EPB41L3: variants seen among roughly 807,000 people sequenced by gnomAD.
EPB41L3 encodes band 4.1-like protein 3.
In EPB41L3, 57 loss-of-function variants were observed where a neutral mutation model predicts 127.1. That is an observed-to-expected ratio of 0.45 (90% CI 0.36 to 0.56). The LOEUF is 0.56. EPB41L3 is among the 20% of genes least tolerant of loss of function. The probability of loss-of-function intolerance (pLI) is 0.00; values close to 1 mark genes in which losing one functional copy is unlikely to be tolerated. For missense variants in EPB41L3, 1,273 were observed against 1,372.2 expected (o/e 0.93, Z 1.14); for synonymous variants, 572 against 549.5 (o/e 1.04, Z -0.57).
chr18:5,485,454 T>A (rs1481531145), intron 2 of EPB41L3, among the ~76,000 whole-genome samples: 1 of 151,988 alleles, frequency 6.6e-6, no homozygotes, highest in Non-Finnish European at 1.5e-5. Flanking sequence ...GGATGCCCAC[T>A]TTCAGTATTA....
chr18:5,444,165 GGGAAAAGACAGAAGAGTCTAT>G (rs1315384620), intron 4 of EPB41L3, among the ~76,000 whole-genome samples: 5 of 152,132 alleles, frequency 3.3e-5, no homozygotes, highest in African/African-American at 1.2e-4. Flanking sequence ...AGAAAAAGAG[GGGAAAAGACAGAAGAGTCTAT>G]GTTCAGACAA....
intron 1 of EPB41L3, among the ~76,000 whole-genome samples, chr18:5,509,497 A>C (rs1262549610): frequency 6.6e-6 from 1 of 152,196 alleles, no homozygotes; most frequent in Non-Finnish European, 1.5e-5. Context: ...ACGGTTTGGT[A>C]CTTTAGAATC....
chr18:5,442,892 AT>A (rs1400160077), intron 5 of EPB41L3, among the ~76,000 whole-genome samples: 1 of 152,126 alleles, frequency 6.6e-6, no homozygotes, highest in Non-Finnish European at 1.5e-5. Flanking sequence ...TACAGACATA[AT>A]TTTTTAAAAA....
chr18:5,491,657 T>A (rs1428420879), intron 1 of EPB41L3, among the ~76,000 whole-genome samples: 1 of 152,186 alleles, frequency 6.6e-6, no homozygotes, highest in Admixed American at 6.5e-5. Context: ...CTCAAAATCA[T>A]CTACTATGCC....
rs375430348 is a variant in EPB41L3, at chr18:5,415,872, C to A, written c.2013G>T (p.Ala671=). 2.0e-5 allele frequency: 32 copies of A among 1,613,598 alleles called. No homozygotes were observed. The highest frequency in any genetic ancestry group is 2.6e-5 in the Non-Finnish European group (31 of 1,179,904). The change falls in exon 13 of 23, where the codon GCG becomes GCT. Residue 671 remains alanine, a synonymous_variant. Coordinates refer to ENST00000341928, the MANE Select transcript of EPB41L3 (RefSeq NM_012307.5). ...ALCLCYLEPK[A]ASLSASLDND... is the part of the protein sequence containing the mutation. ...TGTCTAGGGAGGCGCTCAAGGAGGC[C>A]GCCTTGGGCTCCAGGTAGCAGAGGC...
chr18:5,484,679 T>C (rs988656530), intron 2 of EPB41L3, among the ~76,000 whole-genome samples: 9 of 151,602 alleles, frequency 5.9e-5, no homozygotes, highest in Admixed American at 5.9e-4. Context: ...CTAAGAAATA[T>C]GAAGACTCAT....
At chr18:5,411,979 A>G (rs999100920) in intron 13 of EPB41L3, among the ~76,000 whole-genome samples, 1 of 152,136 alleles carries the variant, frequency 6.6e-6, no homozygotes, top group African/African-American at 2.4e-5. Context: ...GTGTTGACCC[A>G]TTTTCATGAC....
intron 3 of EPB41L3, among the ~76,000 whole-genome samples, chr18:5,608,040 G>A (rs1369015122): frequency 4.6e-5 from 7 of 152,160 alleles, no homozygotes; most frequent in Non-Finnish European, 8.8e-5. Flanking sequence ...GCCTCTGGCA[G>A]GTTTAGCTGT....
chr18:5,414,128 T>A (rs2076515045), intron 13 of EPB41L3, among the ~76,000 whole-genome samples: 1 of 152,216 alleles, frequency 6.6e-6, no homozygotes, highest in Non-Finnish European at 1.5e-5. Flanking sequence ...TATATCTCCA[T>A]GTTAGAAATC....
Position 5,622,951 on chromosome 18 carries a change from A to ATTTTTTT in EPB41L3, c.-468+5964_-468+5970dup, listed in dbSNP as rs10622515. On this transcript the variant is annotated intron_variant, in intron 1 of 21. Transcript: ENST00000545076. The stretch of plus-strand genomic sequence containing the variant: ...GAGAGATTTGTATGGCATAATGCTG[A>ATTTTTTT]TTTTTTTTTTTTTTTTTTTTTTTTT... Among the ~76,000 whole-genome samples, 13 of 76,044 alleles carry ATTTTTTT rather than the reference A, an allele frequency of 1.7e-4. 1 individual carries two copies. Among genetic ancestry groups the ATTTTTTT allele is most frequent in the Non-Finnish European group, 2.3e-4 (10 of 43,452 alleles). The allele number at this position is 76,044 out of a possible 152,430, so 49.9% of individuals were successfully genotyped here.
At position 5,397,973 on chromosome 18, in the gene EPB41L3, G is replaced by T; in HGVS notation, c.2472+48C>A. 1 of 1,612,542 alleles carries T rather than the reference G, an allele frequency of 6.2e-7. No individual in the cohort carries two copies. The highest frequency in any genetic ancestry group is 8.5e-7 in the Non-Finnish European group (1 of 1,179,282). On this transcript the variant is annotated intron_variant, in intron 17 of 22. Transcript: ENST00000341928. The surrounding 1 kb of genome is among the most constrained non-coding windows in gnomAD (Gnocchi z 4.1). Reference sequence around the variant, plus strand: ...CACGCCCAAAAAAAGGGTAAGGAAAGGCACATGGGCACATTCAGAAACACC... The same window carrying T: ...CACGCCCAAAAAAAGGGTAAGGAAATGCACATGGGCACATTCAGAAACACC...
At chr18:5,399,679 T>A in intron 16 of EPB41L3, 1 of 246,622 alleles carries the variant, frequency 4.1e-6, no homozygotes, top group East Asian at 8.0e-5. Flanking sequence ...AAATTTTGGA[T>A]CATTTTATAT....
intron 1 of EPB41L3, among the ~76,000 whole-genome samples, chr18:5,525,597 C>T (rs1047920989): frequency 6.6e-6 from 1 of 152,146 alleles, no homozygotes; most frequent in African/African-American, 2.4e-5. Flanking sequence ...AATGATAACA[C>T]TGCATATCCC....
intron 3 of EPB41L3, among the ~76,000 whole-genome samples, chr18:5,607,325 T>C (rs1187802831): frequency 1.3e-5 from 2 of 152,200 alleles, no homozygotes; most frequent in African/African-American, 2.4e-5. Flanking sequence ...ATCTGCCCAG[T>C]GTCAGGCGAT....
chr18:5,399,825 A>C (rs2074199218), intron 16 of EPB41L3: 1 of 153,288 alleles, frequency 6.5e-6, no homozygotes, highest in Non-Finnish European at 1.5e-5. Context: ...AACATTCTAC[A>C]AATTTATGTA....
At chr18:5,515,690 C>T (rs775874708) in intron 1 of EPB41L3, among the ~76,000 whole-genome samples, 8 of 152,132 alleles carry the variant, frequency 5.3e-5, no homozygotes, top group South Asian at 2.1e-4. Flanking sequence ...GAAAAGATAG[C>T]GTGAAAGTGA....
chr18:5,594,244 T>C (rs2094515587), intron 3 of EPB41L3, among the ~76,000 whole-genome samples: 1 of 152,174 alleles, frequency 6.6e-6, no homozygotes, highest in African/African-American at 2.4e-5. Context: ...TCACAATCCA[T>C]GTTCTTCTGC....
chr18:5,622,126 A>G (rs1370438300), intron 1 of EPB41L3, among the ~76,000 whole-genome samples: 2 of 152,134 alleles, frequency 1.3e-5, no homozygotes, highest in Non-Finnish European at 2.9e-5. Context: ...ACTAAAATTT[A>G]TTTTTTAAAT....
At chr18:5,527,064 A>T (rs2093248550) in intron 1 of EPB41L3, among the ~76,000 whole-genome samples, 1 of 152,192 alleles carries the variant, frequency 6.6e-6, no homozygotes, top group Non-Finnish European at 1.5e-5. Context: ...GAAAGGGAAC[A>T]AAGGGGCAGG....
Sources: allele counts gnomAD v4.1 joint callset (sites outside exome capture counted in the v4.1 genomes callset), GRCh38; gene constraint gnomAD v4.1.1; non-coding constraint Gnocchi (gnomAD v3.1); transcripts MANE v1.5; gene names NCBI Gene and HGNC (gene_info 2026-07-23, HGNC 2026-07-21).